The following FIG4 variants were observed in gnomAD, a reference collection of about 807,000 sequenced individuals.
The protein encoded by FIG4 is FIG4 phosphoinositide 5-phosphatase, also known as polyphosphoinositide phosphatase.
FIG4 carries 112 observed loss-of-function variants against 118.6 expected under a neutral mutation model. The ratio of observed to expected loss-of-function variants is 0.94; its 90% CI spans 0.81 to 1.11. The LOEUF (loss-of-function observed/expected upper bound fraction) is 1.11, where lower values mean the gene tolerates loss of function less well. Ranked by LOEUF, FIG4 falls within the 50% of genes least tolerant of loss-of-function variation. The probability of loss-of-function intolerance (pLI) is 0.00; values close to 1 mark genes in which losing one functional copy is unlikely to be tolerated. For missense variants in FIG4, 969 were observed against 1,111.7 expected (o/e 0.87, Z 1.83); for synonymous variants, 369 against 381.2 (o/e 0.97, Z 0.37).
chr6:109,813,067 A>G (rs1028642798), intron 22 of FIG4, among the ~76,000 whole-genome samples: 3 of 152,212 alleles, frequency 2.0e-5, no homozygotes, highest in South Asian at 4.1e-4. Flanking sequence ...TTACCTATAA[A>G]AGTAGCAGTT....
intron 22 of FIG4, among the ~76,000 whole-genome samples, chr6:109,801,961 C>T (rs1006598124): frequency 6.6e-6 from 1 of 152,124 alleles, no homozygotes; most frequent in Non-Finnish European, 1.5e-5. Context: ...TTTCCAAACA[C>T]CTGGAATACA....
intron 2 of FIG4, among the ~76,000 whole-genome samples, chr6:109,715,406 A>G (rs984959993): frequency 1.3e-5 from 2 of 152,126 alleles, no homozygotes; most frequent in African/African-American, 4.8e-5. Context: ...CTTGTTTTCG[A>G]AAACACACTC....
intron 22 of FIG4, among the ~76,000 whole-genome samples, chr6:109,810,490 C>T (rs1157245165): frequency 6.6e-6 from 1 of 152,172 alleles, no homozygotes; most frequent in Non-Finnish European, 1.5e-5. Flanking sequence ...CATTTATTCC[C>T]TTGCTCACTC....
intron 1 of FIG4, among the ~76,000 whole-genome samples, chr6:109,696,059 C>T (rs1774708703): frequency 6.6e-6 from 1 of 152,210 alleles, no homozygotes; most frequent in Non-Finnish European, 1.5e-5. Context: ...AACATTGTCT[C>T]ATCCCTTCTT....
rs752613836 is a variant in FIG4 at position 109,727,278 on chromosome 6, G to T, written c.446+13G>T. ...CTGATGAAGCTAGGTATGTATGGTG[G>T]TAACTACCTTTTTTTTTTTGGAGAC... On this transcript the variant is annotated intron_variant, in intron 4 of 22. Coordinates refer to ENST00000230124, the MANE Select transcript of FIG4 (RefSeq NM_014845.6). 6.5e-6 allele frequency: 10 copies of T among 1,547,148 alleles called. No individual in the cohort carries two copies. In the South Asian group the frequency reaches 1.1e-4, roughly 17 times the overall value.
At chr6:109,809,211 A>G (rs1172180928) in intron 22 of FIG4, among the ~76,000 whole-genome samples, 1 of 152,208 alleles carries the variant, frequency 6.6e-6, no homozygotes, top group Non-Finnish European at 1.5e-5. Flanking sequence ...TTCTTCATAT[A>G]TGCCAACCAA....
At chr6:109,753,912 C>T (rs561260869) in intron 10 of FIG4, among the ~76,000 whole-genome samples, 9 of 152,266 alleles carry the variant, frequency 5.9e-5, no homozygotes, top group East Asian at 1.9e-4. Flanking sequence ...TCCTCTTTTC[C>T]GAATTGAATA....
intron 22 of FIG4, among the ~76,000 whole-genome samples, chr6:109,808,740 G>C (rs1253904338): frequency 6.6e-6 from 1 of 152,084 alleles, no homozygotes; most frequent in African/African-American, 2.4e-5. Context: ...GTCACTTCAA[G>C]AAAAACAATT....
chr6:109,811,581 C>A (rs1778721033), intron 22 of FIG4, among the ~76,000 whole-genome samples: 2 of 152,186 alleles, frequency 1.3e-5, no homozygotes, highest in South Asian at 4.1e-4. Flanking sequence ...GTTCTAGTCA[C>A]TGGGGACATA....
At chr6:109,714,049 C>T (rs974584779) in intron 1 of FIG4, among the ~76,000 whole-genome samples, 5 of 152,272 alleles carry the variant, frequency 3.3e-5, no homozygotes, top group Non-Finnish European at 5.9e-5. Flanking sequence ...CCACTACAAA[C>T]GCTCCCATAC....
chr6:109,823,279 G>A (rs1455145520), intron 22 of FIG4, among the ~76,000 whole-genome samples: 3 of 152,100 alleles, frequency 2.0e-5, no homozygotes, highest in African/African-American at 7.2e-5. Flanking sequence ...AAATGTCACT[G>A]ACTCTCTTCC....
chr6:109,697,567 C>G (rs1209761337), intron 1 of FIG4, among the ~76,000 whole-genome samples: 1 of 152,140 alleles, frequency 6.6e-6, no homozygotes, highest in Non-Finnish European at 1.5e-5. Flanking sequence ...GAGAGTTATG[C>G]AAGAGAAACA....
At chr6:109,699,571 C>T (rs182289703) in intron 1 of FIG4, among the ~76,000 whole-genome samples, 2,194 of 148,468 alleles carry the variant, frequency 0.015, 58 homozygotes, top group African/African-American at 0.052. Flanking sequence ...GGCTCGATCT[C>T]GGCTCACTGC....
At chr6:109,749,488 G>A (rs962374531) in intron 10 of FIG4, among the ~76,000 whole-genome samples, 8 of 151,698 alleles carry the variant, frequency 5.3e-5, no homozygotes, top group Non-Finnish European at 1.2e-4. Flanking sequence ...TTGTTAGTAT[G>A]GAAATAAATT....
chr6:109,715,350 T>C (rs1185356275), intron 2 of FIG4, among the ~76,000 whole-genome samples, 174 bp downstream of exon 2: 1 of 152,218 alleles, frequency 6.6e-6, no homozygotes, highest in Non-Finnish European at 1.5e-5. Flanking sequence ...TAGAAATCAC[T>C]GGTGTCAAGA....
chr6:109,773,514 C>A (rs931040414), intron 15 of FIG4, among the ~76,000 whole-genome samples: 10 of 152,312 alleles, frequency 6.6e-5, no homozygotes, highest in South Asian at 2.1e-4. Flanking sequence ...TGCATTATTT[C>A]TTTTCCTCAT....
At chr6:109,785,420 TG>T (rs1777924396) in intron 17 of FIG4, among the ~76,000 whole-genome samples, 1 of 152,206 alleles carries the variant, frequency 6.6e-6, no homozygotes, top group Non-Finnish European at 1.5e-5. Context: ...ACTTTTTTCC[TG>T]TGCTAATAAG....
At chr6:109,767,534 A>T (rs2128392764) in intron 15 of FIG4, among the ~76,000 whole-genome samples, 1 of 152,316 alleles carries the variant, frequency 6.6e-6, no homozygotes, top group East Asian at 1.9e-4. Context: ...CTTGTACCAG[A>T]TTAAGGATAG....
At chr6:109,691,692 C>G (rs137953465) in intron 1 of FIG4, among the ~76,000 whole-genome samples, 191 bp downstream of exon 1, 1 of 152,292 alleles carries the variant, frequency 6.6e-6, no homozygotes, top group East Asian at 1.9e-4. Context: ...TATTTTGGTA[C>G]CCTGGACATT....
Sources: allele counts gnomAD v4.1 joint callset (sites outside exome capture counted in the v4.1 genomes callset), GRCh38; gene constraint gnomAD v4.1.1; transcripts MANE v1.5; gene names NCBI Gene and HGNC (gene_info 2026-07-23, HGNC 2026-07-21).